Variants in RBFOX1 observed in about 807,000 individuals in gnomAD.
RBFOX1 encodes RNA binding fox-1 homolog 1, also known as RNA binding protein fox-1 homolog 1.
A neutral mutation model predicts 57.7 loss-of-function variants in RBFOX1; 8 were observed. That is an observed-to-expected ratio of 0.14 (90% CI 0.08 to 0.25). The LOEUF (loss-of-function observed/expected upper bound fraction) is 0.25, where lower values mean the gene tolerates loss of function less well. RBFOX1 is among the 10% of genes least tolerant of loss of function. The pLI, the probability that RBFOX1 is intolerant of heterozygous loss-of-function variation, is 1.00. For synonymous variants in RBFOX1, 326 were observed against 222.4 expected, an observed-to-expected ratio of 1.47 and a Z score of -4.15; for missense variants, 611 against 548.5, an observed-to-expected ratio of 1.11 and a Z score of -1.14.
intron 3 of RBFOX1, among the ~76,000 whole-genome samples, chr16:6,708,135 G>A (rs549445397): frequency 7.2e-5 from 11 of 152,142 alleles, no homozygotes; most frequent in Non-Finnish European, 1.6e-4. Flanking sequence ...CAGACACCTG[G>A]CTTGGGGAGC....
intron 3 of RBFOX1, chr16:6,723,756 C>T (rs6500816): frequency 0.93 from 141,149 of 152,146 alleles, 66,472 homozygotes; most frequent in East Asian, 1. Flanking sequence ...TGCAGTTAGA[C>T]AGGAACCTGG....
intron 1 of RBFOX1, among the ~76,000 whole-genome samples, chr16:5,308,339 GAAC>G (rs1222078996): frequency 1.2e-4 from 1 of 8,506 alleles, no homozygotes; most frequent in African/African-American, 4.3e-4. Flanking sequence ...AAAAAAAAAA[GAAC>G]AAAGAAAAAA....
chr16:6,768,406 C>T (rs1323986954), intron 3 of RBFOX1, among the ~76,000 whole-genome samples: 23 of 151,748 alleles, frequency 1.5e-4, no homozygotes, highest in Admixed American at 1.5e-3. Flanking sequence ...AATATAATTG[C>T]TCCAAGCAAA....
At chr16:7,290,265 G>T (rs1448893763) in intron 4 of RBFOX1, among the ~76,000 whole-genome samples, 1 of 152,190 alleles carries the variant, frequency 6.6e-6, no homozygotes, top group African/African-American at 2.4e-5. Context: ...TTGAAATTGG[G>T]AGTATGGATA....
chr16:6,986,308 C>G (rs968067258), intron 3 of RBFOX1, among the ~76,000 whole-genome samples: 2 of 152,112 alleles, frequency 1.3e-5, no homozygotes, highest in African/African-American at 2.4e-5. Context: ...TCAAGCGACT[C>G]TTGCCTCAGC....
At chr16:6,839,291 T>C (rs2093326269) in intron 3 of RBFOX1, among the ~76,000 whole-genome samples, 1 of 152,072 alleles carries the variant, frequency 6.6e-6, no homozygotes, top group South Asian at 2.1e-4. Context: ...GGCACATCAT[T>C]TTCAACATAG....
chr16:6,865,084 C>A (rs1234469054), intron 3 of RBFOX1, among the ~76,000 whole-genome samples: 7 of 138,900 alleles, frequency 5.0e-5, no homozygotes, highest in Non-Finnish European at 1.1e-4. Flanking sequence ...CTCACTGCAA[C>A]CTCCGCCTCC....
intron 3 of RBFOX1, chr16:6,748,861 A>T (rs1466156056): frequency 6.6e-6 from 1 of 152,206 alleles, no homozygotes; most frequent in Non-Finnish European, 1.5e-5. Context: ...GCAATGAGCA[A>T]GACTGATAAG....
intron 3 of RBFOX1, among the ~76,000 whole-genome samples, chr16:6,820,703 C>G (rs1322063252): frequency 6.6e-6 from 1 of 151,926 alleles, no homozygotes; most frequent in African/African-American, 2.4e-5. Flanking sequence ...CCGAAAACTG[C>G]AGTGCATTCT....
At chr16:7,402,088 A>G (rs1239618519) in intron 4 of RBFOX1, among the ~76,000 whole-genome samples, 1 of 152,216 alleles carries the variant, frequency 6.6e-6, no homozygotes. Flanking sequence ...GTCAGACTGT[A>G]TCCTAAAGTA....
chr16:7,165,514 C>G (rs895769972), intron 4 of RBFOX1, among the ~76,000 whole-genome samples: 1 of 151,864 alleles, frequency 6.6e-6, no homozygotes, highest in Admixed American at 6.6e-5. Flanking sequence ...ACCGCACCCT[C>G]CACCTCCTGG....
intron 4 of RBFOX1, among the ~76,000 whole-genome samples, chr16:5,969,136 A>T (rs1274344394): frequency 6.6e-6 from 1 of 152,022 alleles, no homozygotes; most frequent in East Asian, 1.9e-4. Context: ...CCCTTTCTCA[A>T]TGCCTGTTGG....
intron 2 of RBFOX1, among the ~76,000 whole-genome samples, chr16:6,443,591 G>A (rs993230486): frequency 1.1e-4 from 17 of 152,156 alleles, no homozygotes; most frequent in African/African-American, 3.9e-4. Flanking sequence ...ACTGGTAAAC[G>A]ATGTCCTCAC....
chr16:5,713,321 GAGGA>G (rs2051564990), intron 3 of RBFOX1, among the ~76,000 whole-genome samples: 3 of 152,182 alleles, frequency 2.0e-5, no homozygotes, highest in Admixed American at 2.0e-4. Flanking sequence ...ACAAGGAAGG[GAGGA>G]AGGGAGTCAG....
intron 4 of RBFOX1, among the ~76,000 whole-genome samples, chr16:7,052,687 T>A (rs556043908): frequency 1.4e-4 from 22 of 152,202 alleles, no homozygotes; most frequent in Non-Finnish European, 3.2e-4. Flanking sequence ...ATTCCCTAGA[T>A]GTGCAGGGAG....
At chr16:7,288,289 G>T (rs769978881) in intron 4 of RBFOX1, among the ~76,000 whole-genome samples, 1 of 152,086 alleles carries the variant, frequency 6.6e-6, no homozygotes, top group Non-Finnish European at 1.5e-5. Context: ...CATTCTACTT[G>T]GAAATCCATT....
intron 3 of RBFOX1, among the ~76,000 whole-genome samples, chr16:6,827,447 C>G (rs1191851761): frequency 6.6e-6 from 1 of 152,124 alleles, no homozygotes; most frequent in Non-Finnish European, 1.5e-5. Flanking sequence ...TTGATGCAGT[C>G]TCAGTATGAT....
In RBFOX1 at chr16:6,839,244, C is replaced by G. The variant is rs192014624; in HGVS notation, c.-16+184594C>G. Among the ~76,000 whole-genome samples, 969 of 152,254 alleles carry G rather than the reference C, an allele frequency of 6.4e-3. 13 individuals are homozygous for G. Among genetic ancestry groups the G allele is most frequent in the African/African-American group, 0.022 (921 of 41,554 alleles). ...AAGTGATCCACCCGCCTCAGCCCCC[C>G]AAAGTGCTGGGATTACAGGCAAGAG... is the stretch of plus-strand genomic sequence containing the variant. On this transcript the variant is annotated intron_variant, in intron 3 of 15. Transcript: ENST00000550418.
chr16:7,214,035 C>G (rs1178179681), intron 4 of RBFOX1, among the ~76,000 whole-genome samples: 4 of 151,744 alleles, frequency 2.6e-5, no homozygotes, highest in Admixed American at 1.3e-4. Context: ...TCCCCTTTGC[C>G]TAGAAACTGG....
Sources: allele counts gnomAD v4.1 joint callset (sites outside exome capture counted in the v4.1 genomes callset), GRCh38; gene constraint gnomAD v4.1.1; transcripts MANE v1.5; gene names NCBI Gene and HGNC (gene_info 2026-07-23, HGNC 2026-07-21).